UBR1: variants seen among roughly 807,000 people sequenced by gnomAD.
The protein encoded by UBR1 is E3 ubiquitin-protein ligase UBR1.
A neutral mutation model predicts 242.1 loss-of-function variants in UBR1; 102 were observed. The observed-to-expected ratio is 0.42, with a 90% CI of 0.36 to 0.50. UBR1 has a LOEUF of 0.50. Among genes scored for constraint, UBR1 ranks in the 20% least tolerant of loss-of-function variants. The probability of loss-of-function intolerance (pLI) is 0.01; values close to 1 mark genes in which losing one functional copy is unlikely to be tolerated. For synonymous variants in UBR1, 675 were observed against 684.8 expected (o/e 0.99, Z 0.22); for missense variants, 1,772 against 2,101.8 (o/e 0.84, Z 3.07).
intron 1 of UBR1, among the ~76,000 whole-genome samples, chr15:43,105,730 GAAT>G (rs2034288623): frequency 6.6e-6 from 1 of 152,138 alleles, no homozygotes. Context: ...AGATCATCAA[GAAT>G]AATACATAAC....
chr15:43,095,669 C>T (rs924881875), intron 1 of UBR1, among the ~76,000 whole-genome samples: 3 of 152,042 alleles, frequency 2.0e-5, no homozygotes, highest in Non-Finnish European at 4.4e-5. Context: ...CATAGTAAAT[C>T]ACCTGGCATT....
At chr15:43,008,314 C>T (rs560815645) in intron 29 of UBR1, among the ~76,000 whole-genome samples, 19 of 152,386 alleles carry the variant, frequency 1.2e-4, no homozygotes, top group African/African-American at 3.6e-4. Context: ...TGAGCCTCTC[C>T]GCACTCCCAA....
chr15:43,051,460 T>C lies in UBR1; in HGVS notation c.1440-2969A>G, dbSNP rs151027333. Reference sequence around the variant, plus strand: ...GGAGGAGGGAGAGGATCAGGAAATATAGCTAATGGGTACTAGGCTTAATAC... The same window carrying C: ...GGAGGAGGGAGAGGATCAGGAAATACAGCTAATGGGTACTAGGCTTAATAC... On this transcript the variant is annotated intron_variant, in intron 12 of 46. Transcript: ENST00000290650. 1.3e-3 allele frequency among the ~76,000 whole-genome samples: 203 copies of C among 152,262 alleles called. 7 individuals carry two copies. In the East Asian group the frequency reaches 0.034, roughly 25 times the overall value.
intron 27 of UBR1, among the ~76,000 whole-genome samples, chr15:43,018,041 C>T (rs952694337): frequency 2.0e-5 from 3 of 149,774 alleles, no homozygotes; most frequent in East Asian, 2.0e-4. Context: ...CTTGCTCTGT[C>T]GCCCAGGCTT....
intron 26 of UBR1, among the ~76,000 whole-genome samples, chr15:43,021,841 C>A (rs1372462258): frequency 6.6e-6 from 1 of 152,124 alleles, no homozygotes; most frequent in African/African-American, 2.4e-5. Context: ...GCCAATCAAT[C>A]CCTTAACTTC....
chr15:43,015,113 TGCCCGGCCACCAC>T (rs1489870575), intron 29 of UBR1, among the ~76,000 whole-genome samples: 1 of 151,046 alleles, frequency 6.6e-6, no homozygotes, highest in Non-Finnish European at 1.5e-5. Context: ...GGAGCCCCTC[TGCCCGGCCACCAC>T]CCCGTCTGGG....
intron 1 of UBR1, among the ~76,000 whole-genome samples, chr15:43,099,145 C>T (rs941790612): frequency 3.3e-5 from 5 of 151,682 alleles, no homozygotes; most frequent in Non-Finnish European, 7.4e-5. Context: ...GAGACCAGCC[C>T]GGCCAACACG....
At chr15:43,078,568 C>T (rs1445384762) in intron 3 of UBR1, among the ~76,000 whole-genome samples, 1 of 152,150 alleles carries the variant, frequency 6.6e-6, no homozygotes, top group Non-Finnish European at 1.5e-5. Context: ...AACCCAATCA[C>T]AAAGCTAAAG....
At position 42,944,247 on chromosome 15, in the gene UBR1, TCTA is replaced by T; in HGVS notation, c.*1079_*1081del. On this transcript the variant is annotated 3_prime_UTR_variant, in exon 47 of 47. Coordinates refer to ENST00000290650, the MANE Select transcript of UBR1 (RefSeq NM_174916.3). ...AGTCTATGCACAAATTCAGGAGAGC[TCTA>T]TTATTTATAAACAAGATGGCTCAAC... The T allele has an allele frequency of 6.6e-6, 1 of 152,552 alleles. No homozygotes were observed. Among genetic ancestry groups the T allele is most frequent in the Non-Finnish European group, 1.5e-5 (1 of 68,032 alleles). The allele number at this position is 152,552 out of a possible 1,614,324, so 9.4% of individuals were successfully genotyped here.
At chr15:42,978,944 G>C (rs2032333181) in intron 37 of UBR1, among the ~76,000 whole-genome samples, 1 of 149,086 alleles carries the variant, frequency 6.7e-6, no homozygotes, top group Non-Finnish European at 1.5e-5. Context: ...TGCCAGGCTG[G>C]AGTGCAGTGG....
At chr15:42,975,688 GT>G (rs945248790) in intron 39 of UBR1, among the ~76,000 whole-genome samples, 8 of 148,604 alleles carry the variant, frequency 5.4e-5, no homozygotes, top group African/African-American at 1.2e-4. Flanking sequence ...TTTGCTTTGG[GT>G]TTTTTTTTTC....
chr15:43,037,221 G>C (rs1312346228), intron 17 of UBR1, among the ~76,000 whole-genome samples: 1 of 151,720 alleles, frequency 6.6e-6, no homozygotes, highest in Non-Finnish European at 1.5e-5. Context: ...AGTGGTGTAT[G>C]TCTGTAGTCC....
At chr15:43,041,517 A>T (rs1055149060) in intron 15 of UBR1, among the ~76,000 whole-genome samples, 3 of 152,186 alleles carry the variant, frequency 2.0e-5, no homozygotes, top group African/African-American at 7.2e-5. Context: ...GGTGCAGCAT[A>T]CCAACATGGC....
intron 12 of UBR1, among the ~76,000 whole-genome samples, chr15:43,049,480 G>A (rs1173651209): frequency 4.6e-5 from 7 of 152,110 alleles, no homozygotes; most frequent in African/African-American, 9.7e-5. Context: ...GGAGAATGGC[G>A]TGAACCCAGG....
intron 32 of UBR1, among the ~76,000 whole-genome samples, chr15:43,002,174 T>C (rs2032736129): frequency 6.6e-6 from 1 of 152,144 alleles, no homozygotes; most frequent in African/African-American, 2.4e-5. Flanking sequence ...TAAAAAACAG[T>C]AATGTAACAA....
chr15:43,073,330 A>T (rs1190490712), intron 4 of UBR1, among the ~76,000 whole-genome samples: 1 of 152,162 alleles, frequency 6.6e-6, no homozygotes, highest in East Asian at 1.9e-4. Context: ...GAAGTATGTA[A>T]ATGTAAATAC....
intron 32 of UBR1, 43 bp downstream of exon 32, chr15:43,002,512 G>A: frequency 6.3e-7 from 1 of 1,597,380 alleles, no homozygotes; most frequent in African/African-American, 1.4e-5. Context: ...ACTGCACCTG[G>A]CCAACTTTTA....
chr15:43,049,358 T>C (rs2033524457), intron 12 of UBR1, among the ~76,000 whole-genome samples: 1 of 152,130 alleles, frequency 6.6e-6, no homozygotes, highest in South Asian at 2.1e-4. Flanking sequence ...GGTCAGGAGA[T>C]TGAGACCATC....
chr15:43,085,859 T>A, intron 2 of UBR1, 125 bp downstream of exon 2: 2 of 1,032,040 alleles, frequency 1.9e-6, no homozygotes, highest in Non-Finnish European at 2.7e-6. Flanking sequence ...GAGGTTGCAG[T>A]GACGTGACCG....
Sources: allele counts gnomAD v4.1 joint callset (sites outside exome capture counted in the v4.1 genomes callset), GRCh38; gene constraint gnomAD v4.1.1; transcripts MANE v1.5; gene names NCBI Gene and HGNC (gene_info 2026-07-23, HGNC 2026-07-21).